SMOC2: variants seen among roughly 807,000 people sequenced by gnomAD.
The protein encoded by SMOC2 is SPARC related modular calcium binding 2.
Under a neutral mutation model 61.4 loss-of-function variants are expected in SMOC2, and 39 were observed. The observed-to-expected ratio is 0.64, with a 90% CI of 0.49 to 0.83. The LOEUF (loss-of-function observed/expected upper bound fraction) is 0.83. SMOC2 is among the 40% of genes least tolerant of loss of function. The probability of loss-of-function intolerance (pLI) is 0.00; values close to 1 mark genes in which losing one functional copy is unlikely to be tolerated. For synonymous variants in SMOC2, 247 were observed against 239.9 expected (o/e 1.03, Z -0.27); for missense variants, 556 against 592.9 (o/e 0.94, Z 0.65).
intron 2 of SMOC2, among the ~76,000 whole-genome samples, chr6:168,521,969 C>G (rs943751197): frequency 6.6e-6 from 1 of 152,126 alleles, no homozygotes; most frequent in South Asian, 2.1e-4. Flanking sequence ...CAAACATTTT[C>G]TAAAAATAGA....
chr6:168,644,713 G>A (rs1024069788), intron 9 of SMOC2, among the ~76,000 whole-genome samples: 3 of 138,154 alleles, frequency 2.2e-5, no homozygotes, highest in African/African-American at 5.4e-5. Context: ...GCAGTGGTAC[G>A]ATCGCAGCTC....
chr6:168,450,519 G>T (rs949999227), intron 1 of SMOC2, among the ~76,000 whole-genome samples: 1 of 152,144 alleles, frequency 6.6e-6, no homozygotes, highest in Non-Finnish European at 1.5e-5. Flanking sequence ...TCTCTTCCCT[G>T]TTCCTCTACC....
At chr6:168,598,344 A>T (rs12174949) in intron 7 of SMOC2, among the ~76,000 whole-genome samples, 1 of 152,174 alleles carries the variant, frequency 6.6e-6, no homozygotes, top group Admixed American at 6.5e-5. Context: ...GAGGGGTCAC[A>T]CAGGGAGCCT....
intron 8 of SMOC2, among the ~76,000 whole-genome samples, chr6:168,601,998 G>C (rs542331146): frequency 1.9e-4 from 29 of 152,300 alleles, no homozygotes; most frequent in African/African-American, 7.0e-4. Flanking sequence ...AATGGAGACA[G>C]CTCCTTTGAT....
intron 9 of SMOC2, among the ~76,000 whole-genome samples, chr6:168,645,800 C>A (rs1244258558): frequency 6.6e-6 from 1 of 152,182 alleles, no homozygotes. Context: ...AGGTGGCTGA[C>A]CTGTCCCCCT....
intron 1 of SMOC2, among the ~76,000 whole-genome samples, chr6:168,451,197 G>A (rs148397945): frequency 3.3e-5 from 5 of 152,080 alleles, no homozygotes; most frequent in African/African-American, 9.6e-5. Context: ...GCCTGCAGCC[G>A]GGGTCTTGGA....
At chr6:168,487,640 G>A (rs1172422476) in intron 1 of SMOC2, among the ~76,000 whole-genome samples, 2 of 152,026 alleles carry the variant, frequency 1.3e-5, no homozygotes, top group East Asian at 1.9e-4. Flanking sequence ...AAGTAGCTAG[G>A]ATTACAGGTA....
chr6:168,597,493 C>G (rs1315711269), intron 7 of SMOC2, among the ~76,000 whole-genome samples: 1 of 152,178 alleles, frequency 6.6e-6, no homozygotes, highest in Non-Finnish European at 1.5e-5. Context: ...TTTTAATCCC[C>G]AGAACAATCC....
chr6:168,589,985 G>GCC (rs1285193677), intron 7 of SMOC2, among the ~76,000 whole-genome samples: 1 of 33,126 alleles, frequency 3.0e-5, no homozygotes, highest in Non-Finnish European at 6.2e-5. Flanking sequence ...TTAGGGGGCA[G>GCC]CCGGCCTGGT....
intron 7 of SMOC2, among the ~76,000 whole-genome samples, chr6:168,566,607 G>A (rs544411026): frequency 7.8e-4 from 117 of 150,042 alleles, no homozygotes; most frequent in African/African-American, 2.7e-3. Flanking sequence ...CTCAGCCTCC[G>A]AGTAGCTGGG....
At chr6:168,616,842 G>A (rs905612957) in intron 9 of SMOC2, among the ~76,000 whole-genome samples, 5 of 152,204 alleles carry the variant, frequency 3.3e-5, no homozygotes, top group South Asian at 4.1e-4. Flanking sequence ...GGAAAAGGTG[G>A]TTTTCAAGAA....
At chr6:168,633,688 G>T in intron 9 of SMOC2, among the ~76,000 whole-genome samples, 1 of 152,190 alleles carries the variant, frequency 6.6e-6, no homozygotes, top group East Asian at 1.9e-4. Flanking sequence ...AAAAATAACA[G>T]AGGTCAGGGT....
chr6:168,600,899 C>T (rs1785535689), intron 8 of SMOC2, among the ~76,000 whole-genome samples: 1 of 152,160 alleles, frequency 6.6e-6, no homozygotes, highest in Non-Finnish European at 1.5e-5. Flanking sequence ...ACAGTAGCTC[C>T]TGAAGAACAA....
chr6:168,604,929 C>A (rs1172357560), intron 8 of SMOC2, among the ~76,000 whole-genome samples: 2 of 152,166 alleles, frequency 1.3e-5, no homozygotes, highest in Admixed American at 1.3e-4. Context: ...GTGCCCCTGA[C>A]TTTTGTGTCA....
chr6:168,459,621 G>C (rs1781673526), intron 1 of SMOC2, among the ~76,000 whole-genome samples: 3 of 138,612 alleles, frequency 2.2e-5, no homozygotes, highest in South Asian at 2.4e-4. Flanking sequence ...GGTGAGCCCT[G>C]GGGTGGGTGG....
intron 2 of SMOC2, among the ~76,000 whole-genome samples, chr6:168,514,541 T>C (rs1783086483): frequency 6.6e-6 from 1 of 152,236 alleles, no homozygotes; most frequent in Non-Finnish European, 1.5e-5. Context: ...AAGACTCAGA[T>C]GTGATTTGAT....
chr6:168,657,002 A>C (rs1787340346), intron 11 of SMOC2, among the ~76,000 whole-genome samples: 1 of 152,220 alleles, frequency 6.6e-6, no homozygotes, highest in African/African-American at 2.4e-5. Flanking sequence ...TGTCTCCATC[A>C]AGGACTCTTT....
rs755020030 is a variant in SMOC2, at chr6:168,453,433, GCT to G, written c.84+11986_84+11987del. Among the ~76,000 whole-genome samples, 9 of 152,140 alleles carry G rather than the reference GCT, an allele frequency of 5.9e-5. No homozygotes were observed. Among genetic ancestry groups the G allele is most frequent in the Non-Finnish European group, 1.0e-4 (7 of 68,022 alleles). On this transcript the variant is annotated intron_variant, in intron 1 of 12. Coordinates refer to ENST00000356284, the MANE Select transcript of SMOC2 (RefSeq NM_001166412.2). This position sits in a 1 kb window ranked among gnomAD's most constrained non-coding sequence, Gnocchi z 4.4. ...AGCCAAGTGGAGAGTTAGAGGCTAG[GCT>G]CTCTCTTTCTCTCTGTCTCTGTGTG... is the stretch of plus-strand genomic sequence containing the variant.
At chr6:168,597,652 A>T (rs9346732) in intron 7 of SMOC2, among the ~76,000 whole-genome samples, 35,690 of 152,210 alleles carry the variant, frequency 0.23, 4,384 homozygotes, top group East Asian at 0.37. Context: ...AATCAGCTTC[A>T]AAGCAGGCTT....
Sources: gnomAD v4.1 joint callset for allele counts (sites outside exome capture counted in the v4.1 genomes callset) on GRCh38, gnomAD v4.1.1 for gene constraint, Gnocchi (gnomAD v3.1) non-coding constraint, MANE v1.5 for transcripts, NCBI Gene and HGNC (gene_info 2026-07-23, HGNC 2026-07-21) for gene names.